NUMB: variants seen among roughly 807,000 people sequenced by gnomAD.
NUMB encodes the protein NUMB endocytic adaptor protein.
Under a neutral mutation model 59.7 loss-of-function variants are expected in NUMB, and 29 were observed. The ratio of observed to expected loss-of-function variants is 0.49; its 90% confidence interval spans 0.36 to 0.66. The LOEUF (loss-of-function observed/expected upper bound fraction) is 0.66. Ranked by LOEUF, NUMB falls within the 30% of genes least tolerant of loss-of-function variation. NUMB has a pLI of 0.00. For synonymous variants in NUMB, 288 were observed against 288.2 expected, an observed-to-expected ratio of 1.00 and a Z score of 0.01; for missense variants, 723 against 822.0, an observed-to-expected ratio of 0.88 and a Z score of 1.47.
intron 3 of NUMB, 52 bp from the exon 4 acceptor site, chr14:73,355,818 T>A (rs1322797241): frequency 6.9e-7 from 1 of 1,446,438 alleles, no homozygotes; most frequent in African/African-American, 1.4e-5. Context: ...TTCTTACATA[T>A]TTAAACTTTG....
intron 4 of NUMB, among the ~76,000 whole-genome samples, chr14:73,353,579 G>GTGC (rs1893586883): frequency 4.0e-5 from 6 of 150,476 alleles, no homozygotes; most frequent in African/African-American, 9.8e-5. Flanking sequence ...AGGCATGGTG[G>GTGC]CTCAGGCCTG....
intron 1 of NUMB, among the ~76,000 whole-genome samples, chr14:73,450,340 T>C (rs1422303087): frequency 1.3e-5 from 2 of 152,256 alleles, no homozygotes; most frequent in African/African-American, 4.8e-5. Flanking sequence ...ACAATTATAA[T>C]GAATTTTGTC....
At chr14:73,382,420 G>A (rs534508883) in intron 2 of NUMB, among the ~76,000 whole-genome samples, 3 of 149,854 alleles carry the variant, frequency 2.0e-5, no homozygotes, top group Admixed American at 6.7e-5. Flanking sequence ...GTGCCACTGC[G>A]CCCAGCCAAA....
At chr14:73,445,401 C>T (rs1595048177) in intron 1 of NUMB, among the ~76,000 whole-genome samples, 1 of 101,292 alleles carries the variant, frequency 9.9e-6, no homozygotes, top group Non-Finnish European at 2.1e-5. Context: ...AAAAAACTTA[C>T]AGCTGATTTA....
At chr14:73,288,614 C>G (rs1412464222) in intron 8 of NUMB, among the ~76,000 whole-genome samples, 6 of 150,938 alleles carry the variant, frequency 4.0e-5, no homozygotes, top group Non-Finnish European at 8.8e-5. Context: ...AATCCCAGCA[C>G]TTTGGGAGGC....
chr14:73,299,570 A>G (rs1329264492), intron 6 of NUMB, among the ~76,000 whole-genome samples: 1 of 94,760 alleles, frequency 1.1e-5, no homozygotes, highest in Non-Finnish European at 1.9e-5. Context: ...TGTCATATAT[A>G]TGACATGACA....
chr14:73,290,394 T>C (rs1025093297), intron 8 of NUMB, among the ~76,000 whole-genome samples: 4 of 152,210 alleles, frequency 2.6e-5, no homozygotes, highest in African/African-American at 7.2e-5. Flanking sequence ...TCACAACCAC[T>C]TTCTCCATTT....
intron 1 of NUMB, among the ~76,000 whole-genome samples, chr14:73,417,544 C>CCT (rs1361320074): frequency 6.1e-5 from 9 of 147,380 alleles, no homozygotes; most frequent in South Asian, 2.1e-4. Context: ...AAAGTGAGAC[C>CCT]CTCTCTCAAA....
intron 1 of NUMB, among the ~76,000 whole-genome samples, chr14:73,439,191 C>T (rs1344725293): frequency 6.6e-6 from 1 of 152,138 alleles, no homozygotes; most frequent in Non-Finnish European, 1.5e-5. Flanking sequence ...AGAAGTCAAG[C>T]CAGCAACCTG....
At chr14:73,444,269 T>A (rs1883298406) in intron 1 of NUMB, among the ~76,000 whole-genome samples, 1 of 151,568 alleles carries the variant, frequency 6.6e-6, no homozygotes, top group Non-Finnish European at 1.5e-5. Flanking sequence ...TGTGGTGGCA[T>A]GCACCTGTGG....
chr14:73,364,520 T>A (rs7141846), intron 3 of NUMB, among the ~76,000 whole-genome samples: 113,532 of 151,798 alleles, frequency 0.75, 42,689 homozygotes, highest in East Asian at 0.84. Context: ...ATAAAAATTT[T>A]AAAAAAATAA....
chr14:73,291,083 TTTG>T (rs1262578332), intron 8 of NUMB, among the ~76,000 whole-genome samples: 2 of 151,934 alleles, frequency 1.3e-5, no homozygotes, highest in African/African-American at 2.4e-5. Context: ...GTTTTTGTTT[TTTG>T]TTTTTTTTTT....
intron 1 of NUMB, among the ~76,000 whole-genome samples, chr14:73,450,781 C>G (rs1027614894): frequency 4.0e-5 from 6 of 150,608 alleles, no homozygotes; most frequent in Middle Eastern, 3.5e-3. Context: ...AGAGCGAGAC[C>G]CCATCTTAAA....
chr14:73,348,730 C>T (rs1348640445), intron 4 of NUMB, among the ~76,000 whole-genome samples: 1 of 152,214 alleles, frequency 6.6e-6, no homozygotes, highest in Non-Finnish European at 1.5e-5. Context: ...AGGCTGGGGA[C>T]CACTGCTCTA....
intron 2 of NUMB, among the ~76,000 whole-genome samples, chr14:73,369,644 G>A (rs148851514): frequency 2.9e-3 from 435 of 152,230 alleles, no homozygotes; most frequent in African/African-American, 0.01. Flanking sequence ...TCCAAAAGAG[G>A]AACTTAACAA....
intron 1 of NUMB, among the ~76,000 whole-genome samples, chr14:73,440,246 T>C (rs61985855): frequency 3.5e-5 from 5 of 141,794 alleles, no homozygotes; most frequent in African/African-American, 2.7e-5. Flanking sequence ...CATATATATA[T>C]ACATCCATAT....
At chr14:73,353,176 C>CCAGGTT (rs1042619511) in intron 4 of NUMB, among the ~76,000 whole-genome samples, 6 of 146,600 alleles carry the variant, frequency 4.1e-5, no homozygotes, top group Non-Finnish European at 6.0e-5. Flanking sequence ...CCTCCACCTC[C>CCAGGTT]CAGGTTCAAG....
intron 2 of NUMB, among the ~76,000 whole-genome samples, chr14:73,379,340 A>C (rs1895121269): frequency 6.6e-6 from 1 of 152,252 alleles, no homozygotes; most frequent in Non-Finnish European, 1.5e-5. Context: ...AAACATGTTC[A>C]TTCATTCAAC....
intron 4 of NUMB, among the ~76,000 whole-genome samples, chr14:73,345,981 G>GT (rs1349059984): frequency 6.6e-6 from 1 of 151,964 alleles, no homozygotes; most frequent in African/African-American, 2.4e-5. Flanking sequence ...CCATTGTGTG[G>GT]TAACTTGAAT....
Sources: gnomAD v4.1 joint callset for allele counts (sites outside exome capture counted in the v4.1 genomes callset) on GRCh38, gnomAD v4.1.1 for gene constraint, MANE v1.5 for transcripts, NCBI Gene and HGNC (gene_info 2026-07-23, HGNC 2026-07-21) for gene names.